Variants in GPC5 observed in about 807,000 individuals in gnomAD.
GPC5 encodes the protein glypican 5, also known as glypican-5.
Under a neutral mutation model 53.9 loss-of-function variants are expected in GPC5, and 47 were observed. That is an observed-to-expected ratio of 0.87 (90% confidence interval 0.69 to 1.11). The LOEUF (loss-of-function observed/expected upper bound fraction) is 1.11, where lower values mean the gene tolerates loss of function less well. GPC5 is among the 50% of genes most tolerant of loss of function. The pLI is 0.00. For missense variants in GPC5, 748 were observed against 713.1 expected (o/e 1.05, Z -0.56); for synonymous variants, 286 against 263.3 (o/e 1.09, Z -0.84).
intron 2 of GPC5, among the ~76,000 whole-genome samples, chr13:91,641,198 G>T (rs1305302023): frequency 6.6e-6 from 1 of 151,662 alleles, no homozygotes; most frequent in African/African-American, 2.4e-5. Flanking sequence ...CGTGGTGGCG[G>T]GCGCCTGTAG....
intron 7 of GPC5, among the ~76,000 whole-genome samples, chr13:92,205,247 C>A (rs1235510492): frequency 6.6e-6 from 1 of 152,096 alleles, no homozygotes; most frequent in Admixed American, 6.5e-5. Flanking sequence ...ATTGCCCAGG[C>A]TGAAGTGCAA....
At chr13:92,135,591 A>C (rs12868042) in intron 6 of GPC5, among the ~76,000 whole-genome samples, 54,264 of 151,984 alleles carry the variant, frequency 0.36, 10,019 homozygotes, top group South Asian at 0.58. Flanking sequence ...CTTATGGGAA[A>C]AAGAACAAAT....
intron 7 of GPC5, among the ~76,000 whole-genome samples, chr13:92,806,167 G>T (rs1293686689): frequency 6.6e-6 from 1 of 152,058 alleles, no homozygotes; most frequent in Non-Finnish European, 1.5e-5. Context: ...AGCACTTGCT[G>T]CTTCAACCTT....
chr13:92,749,800 A>G (rs1393544276), intron 7 of GPC5, among the ~76,000 whole-genome samples: 1 of 152,220 alleles, frequency 6.6e-6, no homozygotes, highest in East Asian at 1.9e-4. Flanking sequence ...TACAATTAAA[A>G]TTAAAAAGAA....
At chr13:92,669,373 A>T (rs1886674836) in intron 7 of GPC5, among the ~76,000 whole-genome samples, 1 of 150,784 alleles carries the variant, frequency 6.6e-6, no homozygotes, top group South Asian at 2.1e-4. Flanking sequence ...AGAGAGCATG[A>T]CAGCAGCCTT....
At position 92,479,508 on chromosome 13, in the gene GPC5, T is replaced by C. The variant is rs534962685; in HGVS notation, c.1561+334519T>C. Among the ~76,000 whole-genome samples, 5 of 152,220 alleles carry C rather than the reference T, an allele frequency of 3.3e-5. No individual in the cohort carries two copies. In the South Asian group the frequency reaches 8.3e-4, roughly 25 times the overall value. On this transcript the variant is annotated intron_variant, in intron 7 of 7. Coordinates refer to ENST00000377067, the MANE Select transcript of GPC5 (RefSeq NM_004466.6). The stretch of plus-strand genomic sequence containing the variant: ...TGAGGAGAGAATTCAGGTGATGAAG[T>C]AGAAAATGCGACTATAGATGGCTCT...
intron 5 of GPC5, among the ~76,000 whole-genome samples, chr13:91,835,563 G>T (rs1243514424): frequency 1.3e-5 from 2 of 152,050 alleles, no homozygotes; most frequent in Non-Finnish European, 2.9e-5. Flanking sequence ...CTATTAAAAG[G>T]ATAAGTTCAT....
At chr13:92,510,550 T>C (rs1406956137) in intron 7 of GPC5, among the ~76,000 whole-genome samples, 1 of 152,206 alleles carries the variant, frequency 6.6e-6, no homozygotes, top group Admixed American at 6.5e-5. Context: ...ATGTTGACTA[T>C]TGTATATACA....
At chr13:91,669,455 C>T (rs1207956422) in intron 2 of GPC5, among the ~76,000 whole-genome samples, 1 of 152,080 alleles carries the variant, frequency 6.6e-6, no homozygotes, top group Non-Finnish European at 1.5e-5. Context: ...TAATTTAAAG[C>T]GGGAACTTTG....
intron 7 of GPC5, among the ~76,000 whole-genome samples, chr13:92,368,708 C>G (rs932790020): frequency 7.0e-6 from 1 of 143,452 alleles, no homozygotes; most frequent in Non-Finnish European, 1.5e-5. Flanking sequence ...AAATTTTGAT[C>G]TCAATTATGA....
intron 7 of GPC5, among the ~76,000 whole-genome samples, chr13:92,469,413 A>G (rs898051647): frequency 6.6e-6 from 1 of 152,138 alleles, no homozygotes; most frequent in African/African-American, 2.4e-5. Flanking sequence ...AAGGAAATCT[A>G]TTTATTAACT....
At chr13:91,940,006 C>T (rs2039910163) in intron 6 of GPC5, among the ~76,000 whole-genome samples, 1 of 152,078 alleles carries the variant, frequency 6.6e-6, no homozygotes, top group Admixed American at 6.6e-5. Context: ...TCTATCCAAC[C>T]TAGATTCCAC....
chr13:92,272,362 G>A (rs2042845709), intron 7 of GPC5, among the ~76,000 whole-genome samples: 1 of 152,122 alleles, frequency 6.6e-6, no homozygotes, highest in Non-Finnish European at 1.5e-5. Flanking sequence ...ATATCCACTA[G>A]CCATGAGGTA....
chr13:92,540,918 G>C (rs750432585), intron 7 of GPC5, among the ~76,000 whole-genome samples: 9 of 151,928 alleles, frequency 5.9e-5, no homozygotes, highest in African/African-American at 9.6e-5. Flanking sequence ...GGTGAAGTAT[G>C]GTAGGTGGAC....
intron 5 of GPC5, among the ~76,000 whole-genome samples, chr13:91,841,674 C>T (rs927635464): frequency 1.3e-5 from 2 of 151,394 alleles, no homozygotes; most frequent in Non-Finnish European, 2.9e-5. Flanking sequence ...GTAATTTAGA[C>T]TAGCTTAGAA....
At chr13:92,130,817 T>A (rs1031139471) in intron 6 of GPC5, among the ~76,000 whole-genome samples, 13 of 151,752 alleles carry the variant, frequency 8.6e-5, no homozygotes, top group Non-Finnish European at 1.8e-4. Flanking sequence ...ATTAAGGTAG[T>A]CCACAATAGT....
intron 2 of GPC5, among the ~76,000 whole-genome samples, chr13:91,490,255 G>A (rs1001421513): frequency 1.3e-5 from 2 of 152,154 alleles, no homozygotes; most frequent in Non-Finnish European, 2.9e-5. Context: ...GTGAGATACA[G>A]CAGGATGAGT....
At chr13:91,571,650 A>T (rs1006049691) in intron 2 of GPC5, among the ~76,000 whole-genome samples, 2 of 151,682 alleles carry the variant, frequency 1.3e-5, no homozygotes, top group South Asian at 4.2e-4. Context: ...ACTTGAGCCC[A>T]GGAGGTGGAA....
chr13:92,513,110 AC>A (rs1379211157), intron 7 of GPC5, among the ~76,000 whole-genome samples: 1 of 152,128 alleles, frequency 6.6e-6, no homozygotes, highest in African/African-American at 2.4e-5. Flanking sequence ...GCCATGTTAC[AC>A]TCAGAGGGAT....
Sources: allele counts gnomAD v4.1 joint callset (sites outside exome capture counted in the v4.1 genomes callset), GRCh38; gene constraint gnomAD v4.1.1; transcripts MANE v1.5; gene names NCBI Gene and HGNC (gene_info 2026-07-23, HGNC 2026-07-21).